Variants in GALNT9 observed in about 807,000 individuals in gnomAD.
GALNT9 encodes the protein polypeptide N-acetylgalactosaminyltransferase 9.
A neutral mutation model predicts 63.1 loss-of-function variants in GALNT9; 47 were observed. The ratio of observed to expected loss-of-function variants is 0.75; its 90% CI spans 0.59 to 0.95. GALNT9 has a LOEUF of 0.95. GALNT9 is among the 40% of genes least tolerant of loss of function. GALNT9 has a pLI of 0.00. For missense variants in GALNT9, 829 were observed against 874.8 expected (o/e 0.95, Z 0.66); for synonymous variants, 396 against 365.7 (o/e 1.08, Z -0.94).
chr12:132,252,510 T>C lies in GALNT9; in HGVS notation c.960-4483A>G, dbSNP rs1175407338. ...TCTCCCCGTGTGCAGAGACAAGAGATTGTCAGAAATAAAGACACAAGACAA... is the reference window on the plus strand; with the variant it reads ...TCTCCCCGTGTGCAGAGACAAGAGACTGTCAGAAATAAAGACACAAGACAA... On this transcript the variant is annotated intron_variant, in intron 5 of 10. Transcript: ENST00000328957. The surrounding 1 kb of genome is among the most constrained non-coding windows in gnomAD (Gnocchi z 5.2). Among the ~76,000 whole-genome samples, 7 of 151,962 alleles carry C rather than the reference T, an allele frequency of 4.6e-5. No homozygotes were observed. Among genetic ancestry groups the C allele is most frequent in the African/African-American group, 1.5e-4 (6 of 41,340 alleles).
intron 6 of GALNT9, among the ~76,000 whole-genome samples, chr12:132,225,415 A>G (rs1205837190): frequency 6.8e-6 from 1 of 147,644 alleles, no homozygotes; most frequent in Non-Finnish European, 1.5e-5. Context: ...CACACAACCC[A>G]CACACTATAT....
chr12:132,235,405 G>T (rs1249378632), intron 6 of GALNT9, among the ~76,000 whole-genome samples: 2 of 152,184 alleles, frequency 1.3e-5, no homozygotes, highest in Non-Finnish European at 2.9e-5. Context: ...GGTCCTAGAG[G>T]AGAGGTGGAC....
intron 1 of GALNT9, among the ~76,000 whole-genome samples, chr12:132,303,766 G>T (rs1336534151): frequency 1.2e-3 from 2 of 1,660 alleles, no homozygotes; most frequent in Non-Finnish European, 1.1e-3. Context: ...CACCCTCACC[G>T]GGGCACACCC....
chr12:132,325,516 C>T (rs1869000146), intron 1 of GALNT9, among the ~76,000 whole-genome samples: 1 of 152,212 alleles, frequency 6.6e-6, no homozygotes, highest in South Asian at 2.1e-4. Flanking sequence ...GTGCAATGAG[C>T]GTGCACCACA....
rs368639673 is a variant in GALNT9, at chr12:132,247,807, C to A, written c.1077+103G>T. On this transcript the variant is annotated intron_variant, in intron 6 of 10. Transcript: ENST00000328957. ...GACGCTGCAGCCACACTCGCCCTCA[C>A]CCCGTCCCCGGACACCGCGGCCTCA... 1.2e-5 allele frequency: 18 copies of A among 1,494,878 alleles called. No homozygotes were observed. In the African/African-American group the frequency reaches 1.7e-4, roughly 14 times the overall value. 92.6% of individuals were successfully genotyped at this position (1,494,878 alleles called of 1,614,324 possible).
At chr12:132,270,054 CTTG>C (rs1228379000) in intron 2 of GALNT9, among the ~76,000 whole-genome samples, 37 of 152,214 alleles carry the variant, frequency 2.4e-4, no homozygotes, top group African/African-American at 8.4e-4. Flanking sequence ...TGAGACTGCT[CTTG>C]TTTAGTTATT....
chr12:132,264,201 CAGA>C (rs1312292830), intron 2 of GALNT9, among the ~76,000 whole-genome samples: 2 of 152,256 alleles, frequency 1.3e-5, no homozygotes, highest in East Asian at 3.8e-4. Context: ...CTGCATGGAA[CAGA>C]AGGCCTCCCT....
Position 132,197,876 on chromosome 12 carries a change from C to T in GALNT9, c.1581G>A (p.Val527=). ...TGGGCATGCGGCCCGTGCCGTCATC[C>T]ACCAGACACTTGGAGTCAGGCAAGA... The part of the protein sequence containing the change: ...TAFLPDSKCL[V]DDGTGRMPTL... The change falls in exon 10 of 11, where the codon GTG becomes GTA. Residue 527 remains valine (V), a synonymous_variant. Transcript: ENST00000328957. 6.2e-7 allele frequency: 1 copy of T among 1,611,598 alleles called. No individual in the cohort carries two copies. The highest frequency in any genetic ancestry group is 8.5e-7 in the Non-Finnish European group (1 of 1,179,460).
chr12:132,244,143 C>A (rs1878601762), intron 6 of GALNT9, among the ~76,000 whole-genome samples: 1 of 130,046 alleles, frequency 7.7e-6, no homozygotes, highest in Admixed American at 7.9e-5. Flanking sequence ...CCTCCACGGG[C>A]CAAGACAGCC....
intron 6 of GALNT9, among the ~76,000 whole-genome samples, chr12:132,214,733 C>T (rs1013130043): frequency 3.3e-5 from 5 of 152,000 alleles, no homozygotes; most frequent in Non-Finnish European, 7.4e-5. Flanking sequence ...CTCTGGGATC[C>T]GTGCGTAACA....
chr12:132,261,767 C>T (rs1476491409), intron 3 of GALNT9, among the ~76,000 whole-genome samples: 5 of 152,358 alleles, frequency 3.3e-5, no homozygotes, highest in Non-Finnish European at 5.9e-5. Flanking sequence ...GGGAGTGTCA[C>T]GGCTGCAGGC....
At chr12:132,266,322 T>C (rs1879596228) in intron 2 of GALNT9, among the ~76,000 whole-genome samples, 1 of 152,264 alleles carries the variant, frequency 6.6e-6, no homozygotes, top group Non-Finnish European at 1.5e-5. Context: ...CTTTGCTTTG[T>C]GACAAACTTC....
chr12:132,320,672 C>T (rs1486739482), intron 1 of GALNT9, among the ~76,000 whole-genome samples: 5 of 152,268 alleles, frequency 3.3e-5, no homozygotes, highest in Non-Finnish European at 5.9e-5. Flanking sequence ...GGGAAGCTCC[C>T]TCGGCATGAT....
Position 132,196,815 on chromosome 12 carries a change from C to G in GALNT9, c.*292G>C. 1 of 1,194,884 alleles carries G rather than the reference C, an allele frequency of 8.4e-7. No homozygotes were observed. 74.0% of individuals were successfully genotyped at this position (1,194,884 alleles called of 1,614,324 possible). ...TGGTACATGCAGAGGCGGCGGCTGTCCCAGCAGCCTGGCCAGGAGATACCG... is the reference window on the plus strand; with the variant it reads ...TGGTACATGCAGAGGCGGCGGCTGTGCCAGCAGCCTGGCCAGGAGATACCG... On this transcript the variant is annotated 3_prime_UTR_variant, in exon 11 of 11. Coordinates refer to ENST00000328957, the MANE Select transcript of GALNT9 (RefSeq NM_001122636.2).
intron 6 of GALNT9, chr12:132,247,599 C>G (rs1878749600): frequency 1.8e-6 from 1 of 549,652 alleles, no homozygotes. Context: ...CACCCTGTCC[C>G]CGGACACTGC....
At chr12:132,251,945 GGCCTGCCCCCC>G (rs782250144) in intron 5 of GALNT9, among the ~76,000 whole-genome samples, 1 of 152,190 alleles carries the variant, frequency 6.6e-6, no homozygotes, top group Admixed American at 6.5e-5. Context: ...AGCTCCCCCA[GGCCTGCCCCCC>G]GCCTGCCAGG....
chr12:132,264,971 C>T (rs28450983), intron 2 of GALNT9, among the ~76,000 whole-genome samples: 10,783 of 152,196 alleles, frequency 0.071, 1,282 homozygotes, highest in African/African-American at 0.24. Context: ...GCGTCCGCCT[C>T]GCAGGTCGTA....
intron 1 of GALNT9, among the ~76,000 whole-genome samples, chr12:132,305,270 G>T (rs374065332): frequency 7.6e-4 from 11 of 14,422 alleles, no homozygotes; most frequent in Admixed American, 1.7e-3. Flanking sequence ...CACCCTCACC[G>T]GGGCACACCC....
chr12:132,227,229 C>T (rs914540263), intron 6 of GALNT9, among the ~76,000 whole-genome samples: 4 of 152,132 alleles, frequency 2.6e-5, no homozygotes, highest in African/African-American at 7.2e-5. Flanking sequence ...CCAGATGGAA[C>T]GGAGGCACCG....
Sources: allele counts gnomAD v4.1 joint callset (sites outside exome capture counted in the v4.1 genomes callset), GRCh38; gene constraint gnomAD v4.1.1; non-coding constraint Gnocchi (gnomAD v3.1); transcripts MANE v1.5; gene names NCBI Gene and HGNC (gene_info 2026-07-23, HGNC 2026-07-21).